Variants in TTBK2 observed in about 807,000 individuals in gnomAD.
TTBK2 encodes the protein tau-tubulin kinase 2.
Under a neutral mutation model 110.8 loss-of-function variants are expected in TTBK2, and 28 were observed. That is an observed-to-expected ratio of 0.25 (90% CI 0.19 to 0.35). TTBK2 has a LOEUF of 0.35. Among genes scored for constraint, TTBK2 ranks in the 10% least tolerant of loss-of-function variants. TTBK2 has a pLI of 1.00. For missense variants in TTBK2, 1,369 were observed against 1,500.3 expected, an observed-to-expected ratio of 0.91 and a Z score of 1.45; for synonymous variants, 532 against 527.3, an observed-to-expected ratio of 1.01 and a Z score of -0.12.
At chr15:42,878,474 A>G in intron 2 of TTBK2, 75 bp downstream of exon 2, 6 of 1,588,546 alleles carry the variant, frequency 3.8e-6, no homozygotes, top group South Asian at 2.2e-5. Flanking sequence ...GATACCAAAA[A>G]TTACCCCCCG....
intron 3 of TTBK2, among the ~76,000 whole-genome samples, chr15:42,851,943 T>C (rs1325805540): frequency 6.6e-6 from 1 of 152,128 alleles, no homozygotes; most frequent in Non-Finnish European, 1.5e-5. Context: ...AACTGGATAT[T>C]AGTTATATAT....
At chr15:42,816,069 TA>T (rs1233455781) in intron 7 of TTBK2, among the ~76,000 whole-genome samples, 1 of 89,972 alleles carries the variant, frequency 1.1e-5, no homozygotes, top group Non-Finnish European at 1.9e-5. Context: ...TATATATATA[TA>T]AAAATAAATA....
intron 9 of TTBK2, chr15:42,802,004 C>G (rs1262566120): frequency 6.7e-7 from 1 of 1,497,348 alleles, no homozygotes; most frequent in African/African-American, 1.4e-5. Context: ...AACATGTTGT[C>G]CATGTTGCTC....
At position 42,794,506 on chromosome 15, in the gene TTBK2, A is replaced by C. The variant is rs78988558; in HGVS notation, c.980+138T>G. ...TAATTCCAAAGGCGTACATAAGAGCAATGTTAATTCGAGGAGATCCACAGG... is the reference window on the plus strand; with the variant it reads ...TAATTCCAAAGGCGTACATAAGAGCCATGTTAATTCGAGGAGATCCACAGG... On this transcript the variant is annotated intron_variant, in intron 10 of 14. Transcript: ENST00000267890. 79 of 1,165,354 alleles carry C rather than the reference A, an allele frequency of 6.8e-5. 1 individual carries two copies. In the East Asian group the frequency reaches 1.9e-3, roughly 27 times the overall value. The allele number at this position is 1,165,354 out of a possible 1,614,324, so 72.2% of individuals were successfully genotyped here.
chr15:42,911,869 T>A (rs1170743338), intron 1 of TTBK2, among the ~76,000 whole-genome samples: 3 of 152,118 alleles, frequency 2.0e-5, no homozygotes, highest in African/African-American at 7.2e-5. Flanking sequence ...ATCAGGGGTG[T>A]CCAATCTTTT....
At chr15:42,767,004 G>A (rs1301870039) in intron 13 of TTBK2, among the ~76,000 whole-genome samples, 2 of 152,190 alleles carry the variant, frequency 1.3e-5, no homozygotes, top group African/African-American at 4.8e-5. Context: ...CAACTACATG[G>A]AAACTGAACA....
At chr15:42,812,402 C>T (rs1478975581) in intron 7 of TTBK2, among the ~76,000 whole-genome samples, 1 of 152,120 alleles carries the variant, frequency 6.6e-6, no homozygotes, top group Non-Finnish European at 1.5e-5. Flanking sequence ...AGGTCTGTCC[C>T]TCATTTAGAT....
At chr15:42,888,627 C>A (rs1005119074) in intron 1 of TTBK2, among the ~76,000 whole-genome samples, 16 of 152,224 alleles carry the variant, frequency 1.1e-4, no homozygotes, top group African/African-American at 3.9e-4. Context: ...AGGGACTATG[C>A]ATCAATATTT....
At chr15:42,780,221 T>C (rs1890125132) in intron 11 of TTBK2, among the ~76,000 whole-genome samples, 1 of 131,470 alleles carries the variant, frequency 7.6e-6, no homozygotes, top group Non-Finnish European at 1.6e-5. Context: ...TTGGTAGAGA[T>C]AGGGTTTTGC....
rs184480803 is a variant in TTBK2 at position 42,832,617 on chromosome 15, C to A, written c.292-2539G>T. Reference sequence around the variant, plus strand: ...TTACTTTGCTGGTTTCAGTTACCCACAGTCAACCGTGGTCCGAATATATTA... The same window carrying A: ...TTACTTTGCTGGTTTCAGTTACCCAAAGTCAACCGTGGTCCGAATATATTA... On this transcript the variant is annotated intron_variant, in intron 4 of 14. Transcript: ENST00000267890. Among the ~76,000 whole-genome samples, 3 of 152,292 alleles carry A rather than the reference C, an allele frequency of 2.0e-5. No individual in the cohort carries two copies. The East Asian group carries it at 5.8e-4, about 29-fold the overall frequency.
chr15:42,854,784 G>A (rs1567061416), intron 3 of TTBK2, among the ~76,000 whole-genome samples: 1 of 152,020 alleles, frequency 6.6e-6, no homozygotes. Flanking sequence ...TCATCCAAAG[G>A]TAACTGTCAA....
intron 1 of TTBK2, among the ~76,000 whole-genome samples, chr15:42,892,660 G>T (rs1416475555): frequency 1.6e-5 from 2 of 125,856 alleles, no homozygotes; most frequent in African/African-American, 3.1e-5. Context: ...AGCTGTGATT[G>T]TAAGACTGCA....
intron 13 of TTBK2, among the ~76,000 whole-genome samples, chr15:42,755,390 C>T (rs2061932436): frequency 6.6e-6 from 1 of 152,108 alleles, no homozygotes; most frequent in Admixed American, 6.6e-5. Flanking sequence ...CCATGTGGTT[C>T]CAGGGTCAGC....
chr15:42,808,837 C>T (rs963557666), intron 9 of TTBK2, among the ~76,000 whole-genome samples: 11 of 152,060 alleles, frequency 7.2e-5, no homozygotes, highest in Admixed American at 2.0e-4. Context: ...GCTGACAGAC[C>T]GAGACCCCGT....
chr15:42,787,218 A>G (rs1050013584), intron 10 of TTBK2, among the ~76,000 whole-genome samples: 3 of 152,164 alleles, frequency 2.0e-5, no homozygotes, highest in African/African-American at 7.2e-5. Context: ...CAGCAATGAC[A>G]GTAGTGACAG....
intron 14 of TTBK2, among the ~76,000 whole-genome samples, chr15:42,750,132 G>A (rs1051537555): frequency 3.3e-5 from 5 of 151,850 alleles, no homozygotes; most frequent in Non-Finnish European, 7.4e-5. Flanking sequence ...CCCGAAGAAA[G>A]GGGAAAATCT....
intron 12 of TTBK2, 146 bp downstream of exon 12, chr15:42,776,885 C>G (rs1889947859): frequency 1.4e-6 from 1 of 725,754 alleles, no homozygotes; most frequent in Admixed American, 2.8e-5. Flanking sequence ...AAAATTGGAG[C>G]TGAATAGACT....
At chr15:42,888,242 A>G (rs1402255278) in intron 1 of TTBK2, among the ~76,000 whole-genome samples, 1 of 151,918 alleles carries the variant, frequency 6.6e-6, no homozygotes, top group African/African-American at 2.4e-5. Context: ...CCTGACACAT[A>G]TACTTTCTGC....
intron 10 of TTBK2, among the ~76,000 whole-genome samples, chr15:42,787,863 A>T (rs1258959945): frequency 6.6e-6 from 1 of 152,188 alleles, no homozygotes; most frequent in Non-Finnish European, 1.5e-5. Context: ...AACAAATGCC[A>T]TCGTTAAGCA....
Sources: gnomAD v4.1 joint callset for allele counts (sites outside exome capture counted in the v4.1 genomes callset) on GRCh38, gnomAD v4.1.1 for gene constraint, MANE v1.5 for transcripts, NCBI Gene and HGNC (gene_info 2026-07-23, HGNC 2026-07-21) for gene names.